GPHN: variants seen among roughly 807,000 people sequenced by gnomAD.
The protein encoded by GPHN is gephyrin.
GPHN carries 17 observed loss-of-function variants against 95.5 expected under a neutral mutation model. The observed-to-expected ratio is 0.18, with a 90% CI of 0.12 to 0.27. GPHN has a LOEUF of 0.27. Among genes scored for constraint, GPHN ranks in the 10% least tolerant of loss-of-function variants. The pLI is 1.00. For missense variants in GPHN, 660 were observed against 978.1 expected, an observed-to-expected ratio of 0.67 and a Z score of 4.34; for synonymous variants, 320 against 322.5, an observed-to-expected ratio of 0.99 and a Z score of 0.08.
At chr14:67,569,184 A>G in the GPHN span, 1 of 1,613,216 alleles carries the variant, frequency 6.2e-7, no homozygotes, top group South Asian at 1.1e-5. Flanking sequence ...CGGCTCTCAG[A>G]TATGTCTCCC....
intron 6 of GPHN, among the ~76,000 whole-genome samples, chr14:66,921,182 T>C (rs1157567940): frequency 6.6e-6 from 1 of 152,192 alleles, no homozygotes; most frequent in Non-Finnish European, 1.5e-5. Flanking sequence ...ACAGTTTTCC[T>C]TAGTGGTTTC....
the GPHN span, among the ~76,000 whole-genome samples, chr14:67,665,491 C>T: frequency 6.6e-6 from 1 of 151,918 alleles, no homozygotes; most frequent in Non-Finnish European, 1.5e-5. Context: ...CTGGTCTTGA[C>T]TCCTGGGCTC....
chr14:66,716,097 A>T lies in GPHN; in HGVS notation c.143+34912A>T, dbSNP rs144512494. Among the ~76,000 whole-genome samples, 409 of 152,034 alleles carry T rather than the reference A, an allele frequency of 2.7e-3. 2 individuals are homozygous for T. The highest frequency in any genetic ancestry group is 9.4e-3 in the African/African-American group (391 of 41,474). ...ATGACCTGTCTAGTGCTGTCAGTGGAGTATTAAAGTTCCCCACTATTATTG... is the reference window on the plus strand; with the variant it reads ...ATGACCTGTCTAGTGCTGTCAGTGGTGTATTAAAGTTCCCCACTATTATTG... On this transcript the variant is annotated intron_variant, in intron 2 of 22. Coordinates refer to ENST00000478722, the MANE Select transcript of GPHN (RefSeq NM_020806.5).
chr14:67,666,900 G>A, the GPHN span, among the ~76,000 whole-genome samples: 1 of 152,100 alleles, frequency 6.6e-6, no homozygotes, highest in African/African-American at 2.4e-5. Flanking sequence ...TTTAACAACT[G>A]GTAAAATCTG....
intron 3 of GPHN, among the ~76,000 whole-genome samples, chr14:66,789,317 G>T (rs963904917): frequency 6.6e-6 from 1 of 152,020 alleles, no homozygotes; most frequent in Non-Finnish European, 1.5e-5. Flanking sequence ...CTTACACTTT[G>T]CATGTAAAAC....
chr14:67,606,988 A>G, the GPHN span, among the ~76,000 whole-genome samples: 739 of 152,326 alleles, frequency 4.9e-3, 35 homozygotes, highest in East Asian at 0.082. Context: ...TCAAAATGTG[A>G]GAGGTAAACC....
the GPHN span, among the ~76,000 whole-genome samples, chr14:67,406,868 A>G: frequency 6.6e-6 from 1 of 152,216 alleles, no homozygotes; most frequent in African/African-American, 2.4e-5. Context: ...ATGCTGAAGA[A>G]GAACCCAGGC....
chr14:66,787,527 C>T (rs2059819052), intron 3 of GPHN, among the ~76,000 whole-genome samples: 1 of 152,014 alleles, frequency 6.6e-6, no homozygotes, highest in Admixed American at 6.6e-5. Context: ...ACAGCTAAGA[C>T]AATTTTTAAA....
At position 66,776,532 on chromosome 14, in the gene GPHN, G is replaced by C; in HGVS notation, c.201+11G>C. ...ATAGAAGAAATCAAGGTATAGTATG[G>C]CATTTTTCACCTCTACAAACATTTA... On this transcript the variant is annotated intron_variant, in intron 3 of 22. Transcript: ENST00000478722. 6.6e-7 allele frequency: 1 copy of C among 1,508,460 alleles called. No homozygotes were observed. Among genetic ancestry groups the C allele is most frequent in the Non-Finnish European group, 9.2e-7 (1 of 1,084,778 alleles). The allele number at this position is 1,508,460 out of a possible 1,614,324, so 93.4% of individuals were successfully genotyped here.
At chr14:66,976,468 C>T (rs1594698145) in intron 9 of GPHN, among the ~76,000 whole-genome samples, 1 of 152,112 alleles carries the variant, frequency 6.6e-6, no homozygotes, top group Admixed American at 6.6e-5. Flanking sequence ...TATTTAATAT[C>T]CCATTTTGAC....
the GPHN span, among the ~76,000 whole-genome samples, chr14:67,295,956 T>TA: frequency 6.6e-6 from 1 of 152,162 alleles, no homozygotes; most frequent in Admixed American, 6.5e-5. Context: ...CCTAGATGTT[T>TA]GTCAACCTGT....
chr14:66,939,456 G>A (rs1207561478), intron 8 of GPHN, among the ~76,000 whole-genome samples: 6 of 152,040 alleles, frequency 3.9e-5, no homozygotes, highest in Non-Finnish European at 7.4e-5. Flanking sequence ...GGATTTATTG[G>A]ATGAAAAGGA....
chr14:66,880,637 TGAAAAA>T, intron 5 of GPHN, among the ~76,000 whole-genome samples: 1 of 152,042 alleles, frequency 6.6e-6, no homozygotes, highest in African/African-American at 2.4e-5. Context: ...TGTGTTGTTG[TGAAAAA>T]AAAGAAGCTC....
chr14:67,086,848 A>C (rs1229701732), intron 11 of GPHN, among the ~76,000 whole-genome samples: 19 of 149,766 alleles, frequency 1.3e-4, no homozygotes, highest in Non-Finnish European at 1.9e-4. Context: ...ACCATCCTGG[A>C]TAACACGGTG....
At chr14:66,657,378 G>A (rs2065365247) in intron 1 of GPHN, among the ~76,000 whole-genome samples, 1 of 152,198 alleles carries the variant, frequency 6.6e-6, no homozygotes, top group Non-Finnish European at 1.5e-5. Flanking sequence ...GTTGCAGCAA[G>A]TCATCCATAA....
intron 3 of GPHN, among the ~76,000 whole-genome samples, chr14:66,819,458 C>T (rs1474786563): frequency 1.3e-5 from 2 of 152,076 alleles, no homozygotes; most frequent in African/African-American, 4.8e-5. Context: ...TGTCAAAGAT[C>T]AGACAGTTGT....
At chr14:67,171,733 G>A (rs2082611290) in intron 21 of GPHN, among the ~76,000 whole-genome samples, 1 of 152,120 alleles carries the variant, frequency 6.6e-6, no homozygotes, top group Non-Finnish European at 1.5e-5. Context: ...GCAGCAGAGT[G>A]TATCCGTGGA....
chr14:67,733,182 C>T, the GPHN span, among the ~76,000 whole-genome samples: 2 of 152,180 alleles, frequency 1.3e-5, no homozygotes, highest in East Asian at 1.9e-4. Context: ...GCTCCCACCC[C>T]CTATCCCTCT....
At chr14:66,910,773 C>A (rs541648795) in intron 5 of GPHN, among the ~76,000 whole-genome samples, 4 of 151,904 alleles carry the variant, frequency 2.6e-5, no homozygotes, top group Non-Finnish European at 5.9e-5. Flanking sequence ...GGAAAGCATT[C>A]TGATATTTTC....
Sources: gnomAD v4.1 joint callset for allele counts (sites outside exome capture counted in the v4.1 genomes callset) on GRCh38, gnomAD v4.1.1 for gene constraint, MANE v1.5 for transcripts, NCBI Gene and HGNC (gene_info 2026-07-23, HGNC 2026-07-21) for gene names.